ACTN4: variants seen among roughly 807,000 people sequenced by gnomAD.
ACTN4 encodes the protein actinin alpha 4, also known as alpha-actinin-4.
A neutral mutation model predicts 114.2 loss-of-function variants in ACTN4; 18 were observed. That is an observed-to-expected ratio of 0.16 (90% CI 0.11 to 0.23). The LOEUF (loss-of-function observed/expected upper bound fraction) is 0.23. Among genes scored for constraint, ACTN4 ranks in the 10% least tolerant of loss-of-function variants. The probability of loss-of-function intolerance (pLI) is 1.00; values close to 1 mark genes in which losing one functional copy is unlikely to be tolerated. For synonymous variants in ACTN4, 515 were observed against 506.3 expected, an observed-to-expected ratio of 1.02 and a Z score of -0.23; for missense variants, 722 against 1,262.9, an observed-to-expected ratio of 0.57 and a Z score of 6.49.
chr19:38,730,801 G>T lies in ACTN4; in HGVS notation c.*1369G>T. 2 of 1,548,680 alleles carry T rather than the reference G, an allele frequency of 1.3e-6. No individual in the cohort carries two copies. The highest frequency in any genetic ancestry group is 1.7e-6 in the Non-Finnish European group (2 of 1,145,876). ...ATGCCAGGCAAGGCCTAGGGAGGTG[G>T]TCTTGCTCAGCAACCCTGCCCTGAG... On this transcript the variant is annotated 3_prime_UTR_variant, in exon 21 of 21. Transcript: ENST00000252699.
intron 7 of ACTN4, among the ~76,000 whole-genome samples, 175 bp from the exon 8 acceptor site, chr19:38,710,082 C>T (rs1050332326): frequency 2.0e-5 from 3 of 152,068 alleles, no homozygotes; most frequent in Non-Finnish European, 4.4e-5. Context: ...TTGTCCTTTC[C>T]AGACCCATGG....
At chr19:38,712,501 A>G (rs2145041858) in intron 8 of ACTN4, among the ~76,000 whole-genome samples, 1 of 152,252 alleles carries the variant, frequency 6.6e-6, no homozygotes, top group Non-Finnish European at 1.5e-5. Flanking sequence ...GCTGCCATTT[A>G]GGCAGCTGCC....
intron 11 of ACTN4, chr19:38,718,329 C>G (rs923910394): frequency 4.5e-6 from 3 of 662,376 alleles, no homozygotes; most frequent in Non-Finnish European, 8.1e-6. Flanking sequence ...GAGTTTGAGA[C>G]CAGCCTGGGC....
intron 1 of ACTN4, among the ~76,000 whole-genome samples, chr19:38,666,435 G>A (rs1427263794): frequency 6.6e-6 from 1 of 152,172 alleles, no homozygotes; most frequent in African/African-American, 2.4e-5. Context: ...CTAAGGGAAG[G>A]CCACCCGGTT....
At chr19:38,676,846 C>T (rs1038132337) in intron 1 of ACTN4, among the ~76,000 whole-genome samples, 17 of 152,116 alleles carry the variant, frequency 1.1e-4, no homozygotes, top group East Asian at 3.9e-4. Context: ...CAGCTCCTGG[C>T]GGGTTTCCCT....
Position 38,730,656 on chromosome 19 carries a change from G to C in ACTN4, c.*1224G>C. 1 of 649,684 alleles carries C rather than the reference G, an allele frequency of 1.5e-6. No individual in the cohort carries two copies. The highest frequency in any genetic ancestry group is 2.7e-5 in the East Asian group (1 of 36,698). The allele number at this position is 649,684 out of a possible 1,614,324, so 40.2% of individuals were successfully genotyped here. A position where few individuals can be genotyped will look rare whatever the true frequency, so the allele number is the denominator to read the frequency against. On this transcript the variant is annotated 3_prime_UTR_variant, in exon 21 of 21. Transcript: ENST00000252699. ...CTAGCTCGTGTCATCTGCTCGAGAA[G>C]GGCTGTCGCTGTTCTTGTTTCTGAG...
chr19:38,728,029 A>G lies in ACTN4; in HGVS notation c.2418+3A>G. 6.2e-7 allele frequency: 1 copy of G among 1,610,500 alleles called. No individual in the cohort carries two copies. Among genetic ancestry groups the G allele is most frequent in the African/African-American group, 1.3e-5 (1 of 74,872 alleles). On this transcript the variant is annotated splice_donor_region_variant and intron_variant, in intron 19 of 20. Transcript: ENST00000252699. ...ACGACGTGGAGAACGACCGGCAGGT[A>G]CTGCACCCTGGGCCCCAGCGGACCA...
chr19:38,710,469 C>T (rs1968609809), intron 8 of ACTN4, 127 bp downstream of exon 8: 1 of 1,001,808 alleles, frequency 1.0e-6, no homozygotes, highest in Non-Finnish European at 1.6e-6. Context: ...GGAAGCCACC[C>T]CCAGCTCCCT....
At chr19:38,656,339 CAA>C (rs1189247344) in intron 1 of ACTN4, among the ~76,000 whole-genome samples, 1 of 152,124 alleles carries the variant, frequency 6.6e-6, no homozygotes, top group Non-Finnish European at 1.5e-5. Flanking sequence ...CTCAGCCTCC[CAA>C]AGTCTTGGGA....
At chr19:38,658,452 A>T (rs547681053) in intron 1 of ACTN4, among the ~76,000 whole-genome samples, 1 of 152,330 alleles carries the variant, frequency 6.6e-6, no homozygotes, top group Admixed American at 6.5e-5. Context: ...TCCCTAATCC[A>T]AATCTAACAG....
At chr19:38,681,728 G>GTC (rs913742358) in intron 1 of ACTN4, among the ~76,000 whole-genome samples, 1 of 152,172 alleles carries the variant, frequency 6.6e-6, no homozygotes, top group African/African-American at 2.4e-5. Flanking sequence ...CACTGTCAGG[G>GTC]TCTCCCCCAG....
intron 1 of ACTN4, among the ~76,000 whole-genome samples, chr19:38,686,254 A>C (rs774072099): frequency 4.5e-4 from 68 of 152,344 alleles, no homozygotes; most frequent in Non-Finnish European, 7.2e-4. Context: ...CGTTAATTCT[A>C]AAGACTGGGC....
chr19:38,697,258 T>A (rs1968126259), intron 1 of ACTN4, among the ~76,000 whole-genome samples: 1 of 152,154 alleles, frequency 6.6e-6, no homozygotes, highest in African/African-American at 2.4e-5. Context: ...GGTGGGGCCA[T>A]CCGCAGAGGG....
rs1244965763 is a variant in ACTN4, at chr19:38,647,690, G to C, written c.-56G>C. 6.6e-7 allele frequency: 1 copy of C among 1,506,880 alleles called. No individual in the cohort carries two copies. The highest frequency in any genetic ancestry group is 2.2e-5 in the Admixed American group (1 of 46,464). 93.3% of individuals were successfully genotyped at this position (1,506,880 alleles called of 1,614,324 possible). ...CGGTAGCGGCGGCGGCTCGGGCAGAGGGGCGGGAGCTGAGGCGGGAGCGGA... is the reference window on the plus strand; with the variant it reads ...CGGTAGCGGCGGCGGCTCGGGCAGACGGGCGGGAGCTGAGGCGGGAGCGGA... On this transcript the variant is annotated 5_prime_UTR_variant, in exon 1 of 21. Coordinates refer to ENST00000252699, the MANE Select transcript of ACTN4 (RefSeq NM_004924.6).
intron 8 of ACTN4, chr19:38,711,255 TTTC>T: frequency 1.0e-6 from 1 of 994,290 alleles, no homozygotes; most frequent in Non-Finnish European, 1.2e-6. Flanking sequence ...TCTCTCTCTC[TTTC>T]TCTCTCTCTC....
chr19:38,728,294 T>C, intron 19 of ACTN4: 1 of 1,528,634 alleles, frequency 6.5e-7, no homozygotes, highest in Non-Finnish European at 8.8e-7. Context: ...CCTCCTCTGC[T>C]ATGCCTGCGT....
rs1568691189 is a variant in ACTN4 at position 38,673,763 on chromosome 19, A to ATATT, written c.162+25859_162+25860insTTAT. ...TATATATTTATATATATTTTTATAT[A>ATATT]TATATATTTATATATGTATAATTTT... On this transcript the variant is annotated intron_variant, in intron 1 of 20. Transcript: ENST00000252699. Among the ~76,000 whole-genome samples the ATATT allele has an allele frequency of 4.1e-4, 49 of 119,130 alleles. 2 individuals are homozygous for ATATT. Among genetic ancestry groups the ATATT allele is most frequent in the African/African-American group, 1.5e-3 (48 of 31,168 alleles). 78.2% of individuals were successfully genotyped at this position (119,130 alleles called of 152,430 possible). A position where few individuals can be genotyped will look rare whatever the true frequency, so the allele number is the denominator to read the frequency against.
At chr19:38,712,248 G>C (rs28488032) in intron 8 of ACTN4, among the ~76,000 whole-genome samples, 59,902 of 151,582 alleles carry the variant, frequency 0.4, 12,684 homozygotes, top group Non-Finnish European at 0.47. Context: ...AAACTAGAAG[G>C]GGGGGGCCGT....
At chr19:38,677,325 G>GT (rs1463173552) in intron 1 of ACTN4, among the ~76,000 whole-genome samples, 1 of 151,866 alleles carries the variant, frequency 6.6e-6, no homozygotes, top group Non-Finnish European at 1.5e-5. Flanking sequence ...CAAGGCAAAT[G>GT]TAAGTGTGCA....
Sources: gnomAD v4.1 joint callset for allele counts (sites outside exome capture counted in the v4.1 genomes callset) on GRCh38, gnomAD v4.1.1 for gene constraint, MANE v1.5 for transcripts, NCBI Gene and HGNC (gene_info 2026-07-23, HGNC 2026-07-21) for gene names.